ELAPOR1: variants seen among roughly 807,000 people sequenced by gnomAD.
The protein encoded by ELAPOR1 is endosome/lysosome-associated apoptosis and autophagy regulator 1.
ELAPOR1 carries 77 observed loss-of-function variants against 119.7 expected under a neutral mutation model. The observed-to-expected ratio is 0.64, with a 90% CI of 0.54 to 0.78. The LOEUF is 0.78. Among genes scored for constraint, ELAPOR1 ranks in the 30% least tolerant of loss-of-function variants. The probability of loss-of-function intolerance (pLI) is 0.00; values close to 1 mark genes in which losing one functional copy is unlikely to be tolerated. For synonymous variants in ELAPOR1, 481 were observed against 487.2 expected (o/e 0.99, Z 0.17); for missense variants, 1,115 against 1,270.4 (o/e 0.88, Z 1.86).
chr1:109,198,589 C>T lies in ELAPOR1; in HGVS notation c.2416C>T (p.Gln806Ter). ...IFFYRSNDVTQSCSSGRSTTI... is the reference protein window; with the variant it reads ...IFFYRSNDVT ...TCTCTGCAGGTCCAATGATGTGACCCAGTCCTGCAGTTCTGGGAGATCAAC... is the reference window on the plus strand; with the variant it reads ...TCTCTGCAGGTCCAATGATGTGACCTAGTCCTGCAGTTCTGGGAGATCAAC... Residue 806 changes from glutamine to a stop codon, truncating the protein, a stop_gained, in exon 18 of 22, where the codon CAG becomes TAG. Transcript: ENST00000369939. LOFTEE classifies it high-confidence loss of function. 6.2e-7 allele frequency: 1 copy of T among 1,613,716 alleles called. No individual in the cohort carries two copies. The highest frequency in any genetic ancestry group is 2.2e-5 in the East Asian group (1 of 44,890).
At chr1:109,196,932 C>G (rs768737348) in intron 15 of ELAPOR1, among the ~76,000 whole-genome samples, 110 of 152,280 alleles carry the variant, frequency 7.2e-4, no homozygotes, top group Non-Finnish European at 1.8e-4. Context: ...CCACCTGCCT[C>G]GGCCTTCCGA....
intron 1 of ELAPOR1, among the ~76,000 whole-genome samples, chr1:109,149,027 C>T (rs960998019): frequency 2.8e-4 from 43 of 152,224 alleles, no homozygotes; most frequent in African/African-American, 1.0e-3. Context: ...TAAATGTCAG[C>T]GACCAGGGTT....
chr1:109,203,043 C>A lies in ELAPOR1; in HGVS notation c.*31C>A. On this transcript the variant is annotated 3_prime_UTR_variant, in exon 22 of 22. Coordinates refer to ENST00000369939, the MANE Select transcript of ELAPOR1 (RefSeq NM_020775.5). The stretch of plus-strand genomic sequence containing the variant: ...ACTGCCTGCCTCACCTGCCTCCTCA[C>A]CTTGCATAGCACCTTTGCAAGCCTG... The A allele has an allele frequency of 6.7e-7, 1 of 1,490,088 alleles. No individual in the cohort carries two copies. The allele number at this position is 1,490,088 out of a possible 1,614,324, so 92.3% of individuals were successfully genotyped here. A position where few individuals can be genotyped will look rare whatever the true frequency, so the allele number is the denominator to read the frequency against.
chr1:109,118,903 T>C (rs1443274494), intron 1 of ELAPOR1, among the ~76,000 whole-genome samples: 1 of 146,918 alleles, frequency 6.8e-6, no homozygotes, highest in Non-Finnish European at 1.5e-5. Flanking sequence ...GGTTCTTCTT[T>C]TTTTTTTTTT....
Position 109,205,427 on chromosome 1 carries a change from G to T in ELAPOR1, c.*2415G>T, listed in dbSNP as rs1310764203. 1 of 152,266 alleles carries T rather than the reference G, an allele frequency of 6.6e-6. No homozygotes were observed. The highest frequency in any genetic ancestry group is 1.9e-4 in the East Asian group (1 of 5,196). The allele number at this position is 152,266 out of a possible 1,614,324, so 9.4% of individuals were successfully genotyped here. ...GCTGTGGTCCCTGGCCATCAACAGT[G>T]TTGGTGACGGCAGGGAGTCCCTTTG... On this transcript the variant is annotated 3_prime_UTR_variant, in exon 22 of 22. Coordinates refer to ENST00000369939, the MANE Select transcript of ELAPOR1 (RefSeq NM_020775.5).
intron 11 of ELAPOR1, among the ~76,000 whole-genome samples, 165 bp downstream of exon 11, chr1:109,189,847 A>G (rs1158483036): frequency 6.6e-6 from 1 of 152,160 alleles, no homozygotes; most frequent in African/African-American, 2.4e-5. Flanking sequence ...ACCCAATGCT[A>G]TCACGTTTTT....
Position 109,203,375 on chromosome 1 carries a change from G to A in ELAPOR1, c.*363G>A, listed in dbSNP as rs1654297554. On this transcript the variant is annotated 3_prime_UTR_variant, in exon 22 of 22. Coordinates refer to ENST00000369939, the MANE Select transcript of ELAPOR1 (RefSeq NM_020775.5). ...CTATTTCCTCTGTCCTCTAACTTAA[G>A]GGCAGAAACAGCTGGGAGTTTTCCT... The A allele has an allele frequency of 4.5e-6, 1 of 222,900 alleles. No individual in the cohort carries two copies. The highest frequency in any genetic ancestry group is 8.7e-6 in the Non-Finnish European group (1 of 114,934). 13.8% of individuals were successfully genotyped at this position (222,900 alleles called of 1,614,324 possible). A position where few individuals can be genotyped will look rare whatever the true frequency, so the allele number is the denominator to read the frequency against.
chr1:109,125,114 A>C (rs1648687162), intron 1 of ELAPOR1, among the ~76,000 whole-genome samples: 1 of 152,010 alleles, frequency 6.6e-6, no homozygotes, highest in South Asian at 2.1e-4. Flanking sequence ...TTTTTAGTAG[A>C]GATGGCACTA....
intron 1 of ELAPOR1, among the ~76,000 whole-genome samples, chr1:109,144,960 C>T (rs1443647763): frequency 6.6e-6 from 1 of 152,112 alleles, no homozygotes; most frequent in Non-Finnish European, 1.5e-5. Flanking sequence ...CATGCATATA[C>T]ATAATATATA....
At chr1:109,183,444 AC>A (rs1328557732) in intron 7 of ELAPOR1, among the ~76,000 whole-genome samples, 2 of 152,182 alleles carry the variant, frequency 1.3e-5, no homozygotes, top group Non-Finnish European at 2.9e-5. Flanking sequence ...AGTAGTTCTC[AC>A]TATCCAGAGG....
At chr1:109,171,652 T>C (rs187933105) in intron 3 of ELAPOR1, among the ~76,000 whole-genome samples, 1 of 152,344 alleles carries the variant, frequency 6.6e-6, no homozygotes, top group Admixed American at 6.5e-5. Flanking sequence ...TCCTCACCTG[T>C]CTGCCTTCCT....
intron 15 of ELAPOR1, 99 bp downstream of exon 15, chr1:109,194,693 A>G: frequency 9.0e-7 from 1 of 1,111,134 alleles, no homozygotes; most frequent in Non-Finnish European, 1.3e-6. Flanking sequence ...TCCTTCAGGT[A>G]GCAGGGGGTT....
intron 1 of ELAPOR1, among the ~76,000 whole-genome samples, chr1:109,141,597 C>G (rs1248907119): frequency 6.6e-6 from 1 of 152,070 alleles, no homozygotes; most frequent in Non-Finnish European, 1.5e-5. Context: ...GCCAGTATTG[C>G]CACTACAAAG....
At position 109,198,623 on chromosome 1, in the gene ELAPOR1, G is replaced by A. The variant is rs200702664; in HGVS notation, c.2450G>A (p.Arg817His). Residue 817 changes from arginine to histidine, a missense_variant, in exon 18 of 22, where the codon CGC (arginine) becomes CAC (histidine). By Grantham distance (29) the Arg-to-His change is conservative (BLOSUM62 0). Transcript: ENST00000369939. ...AGTTCTGGGAGATCAACCACCATCC[G>A]CGTCAGGTGCAGTCCACAGAAAACT... ...SCSSGRSTTI[R>H]VRCSPQKTVP... The A allele has an allele frequency of 5.5e-5, 89 of 1,613,868 alleles. No individual in the cohort carries two copies. Among genetic ancestry groups the A allele is most frequent in the East Asian group, 6.7e-5 (3 of 44,902 alleles).
rs141413057 is a variant in ELAPOR1, at chr1:109,147,354, A to C, written c.154-14540A>C. ...AAGGAAGCTGATCTGAAAAGGCTACATACTGTCTGACTCCAACTATATGAC... is the reference window on the plus strand; with the variant it reads ...AAGGAAGCTGATCTGAAAAGGCTACCTACTGTCTGACTCCAACTATATGAC... On this transcript the variant is annotated intron_variant, in intron 1 of 21. Transcript: ENST00000369939. 1.5e-3 allele frequency among the ~76,000 whole-genome samples: 227 copies of C among 152,322 alleles called. 5 individuals carry two copies. In the South Asian group the frequency reaches 0.028, roughly 19 times the overall value.
chr1:109,171,395 T>C (rs12082197), intron 3 of ELAPOR1, among the ~76,000 whole-genome samples: 70,556 of 151,348 alleles, frequency 0.47, 17,463 homozygotes, highest in African/African-American at 0.65. Flanking sequence ...TAAAAAAAAA[T>C]ACAGAAATTA....
At chr1:109,188,495 A>G (rs915635726) in intron 9 of ELAPOR1, 141 bp downstream of exon 9, 1 of 940,014 alleles carries the variant, frequency 1.1e-6, no homozygotes, top group Non-Finnish European at 1.6e-6. Context: ...ACCTTTGAGG[A>G]CTAAATTCAG....
chr1:109,164,742 TACA>T, intron 3 of ELAPOR1, 51 bp downstream of exon 3: 1 of 1,531,208 alleles, frequency 6.5e-7, no homozygotes, highest in Non-Finnish European at 8.9e-7. Flanking sequence ...GGTAAGGGGC[TACA>T]GGGCACACTG....
At chr1:109,116,680 C>CTTCTGTTCTT (rs777051377) in intron 1 of ELAPOR1, among the ~76,000 whole-genome samples, 1,085 of 96,948 alleles carry the variant, frequency 0.011, 24 homozygotes, top group African/African-American at 0.038. Flanking sequence ...CTTCTCTGTT[C>CTTCTGTTCTT]TTTTTTTTTT....
Sources: allele counts gnomAD v4.1 joint callset (sites outside exome capture counted in the v4.1 genomes callset), GRCh38; gene constraint gnomAD v4.1.1; transcripts MANE v1.5; gene names NCBI Gene and HGNC (gene_info 2026-07-23, HGNC 2026-07-21).